ANO5: variants seen among roughly 807,000 people sequenced by gnomAD.
The protein encoded by ANO5 is anoctamin 5.
A neutral mutation model predicts 121.0 loss-of-function variants in ANO5; 109 were observed. The ratio of observed to expected loss-of-function variants is 0.90; its 90% CI spans 0.77 to 1.06. The LOEUF is 1.06. Ranked by LOEUF, ANO5 falls within the 50% of genes least tolerant of loss-of-function variation. ANO5 has a pLI of 0.00. For synonymous variants in ANO5, 406 were observed against 359.9 expected, an observed-to-expected ratio of 1.13 and a Z score of -1.45; for missense variants, 1,064 against 1,078.5, an observed-to-expected ratio of 0.99 and a Z score of 0.19.
chr11:22,221,302 G>A (rs911658507), intron 5 of ANO5, 92 bp downstream of exon 5: 2 of 1,114,588 alleles, frequency 1.8e-6, no homozygotes, highest in African/African-American at 1.6e-5. Flanking sequence ...TTGTAAAAGT[G>A]AGAGGCCCTG....
chr11:22,269,644 A>AT (rs200052918), intron 17 of ANO5, among the ~76,000 whole-genome samples: 2,097 of 151,278 alleles, frequency 0.014, 62 homozygotes, highest in African/African-American at 0.048. Context: ...GACTGAAATA[A>AT]TTTTTTTCTA....
In ANO5 at chr11:22,283,274, G is replaced by T. The variant is rs569034894; in HGVS notation, c.*3509G>T. 5 of 152,036 alleles carry T rather than the reference G, an allele frequency of 3.3e-5. No homozygotes were observed. The highest frequency in any genetic ancestry group is 1.2e-4 in the African/African-American group (5 of 41,394). 9.4% of individuals were successfully genotyped at this position (152,036 alleles called of 1,614,324 possible). A position where few individuals can be genotyped will look rare whatever the true frequency, so the allele number is the denominator to read the frequency against. On this transcript the variant is annotated 3_prime_UTR_variant, in exon 22 of 22. Coordinates refer to ENST00000324559, the MANE Select transcript of ANO5 (RefSeq NM_213599.3). The stretch of plus-strand genomic sequence containing the variant: ...AGGAAGAGAAATATGCAGTTATGCA[G>T]GAAAAGCTCTCTTAAATAATGTGTA...
intron 4 of ANO5, among the ~76,000 whole-genome samples, chr11:22,219,427 A>G (rs1852566608): frequency 6.6e-6 from 1 of 152,046 alleles, no homozygotes. Context: ...GTGTACCCAG[A>G]TTTAGCTTAT....
intron 19 of ANO5, 80 bp downstream of exon 19, chr11:22,273,069 T>C: frequency 1.5e-6 from 2 of 1,349,558 alleles, no homozygotes; most frequent in Non-Finnish European, 2.1e-6. Context: ...GCTTAATCTT[T>C]ACATGATTTC....
intron 1 of ANO5, among the ~76,000 whole-genome samples, chr11:22,198,511 C>T (rs1048961868): frequency 2.0e-5 from 3 of 152,010 alleles, no homozygotes; most frequent in Admixed American, 6.5e-5. Context: ...ATAAATGCAT[C>T]GCATCAAATT....
rs1854850342 is a variant in ANO5, at chr11:22,276,364, A to G, written c.2520+165A>G. Among the ~76,000 whole-genome samples the G allele has an allele frequency of 4.0e-5, 6 of 151,776 alleles. No individual in the cohort carries two copies. In the South Asian group the frequency reaches 1.2e-3, roughly 31 times the overall value. On this transcript the variant is annotated intron_variant, in intron 21 of 21. Coordinates refer to ENST00000324559, the MANE Select transcript of ANO5 (RefSeq NM_213599.3). Reference sequence around the variant, plus strand: ...GCACCTTAGGGATATTCTTAGTACAATGGATTGCCTATTATTCACTTATTA... The same window carrying G: ...GCACCTTAGGGATATTCTTAGTACAGTGGATTGCCTATTATTCACTTATTA...
chr11:22,255,670 TACA>T, intron 13 of ANO5, 148 bp downstream of exon 13: 9 of 823,668 alleles, frequency 1.1e-5, no homozygotes, highest in Non-Finnish European at 1.7e-5. Context: ...CTAATATACA[TACA>T]TGTATATAAA....
chr11:22,196,029 T>G lies in ANO5; in HGVS notation c.40+2497T>G, dbSNP rs564345281. On this transcript the variant is annotated intron_variant, in intron 1 of 21. Transcript: ENST00000324559. ...TTTTAGATGTTTCTTAGCATGTCAG[T>G]TCTTTTGCTGGTTTAGTTTTACTGC... Among the ~76,000 whole-genome samples, 41 of 152,314 alleles carry G rather than the reference T, an allele frequency of 2.7e-4. 1 individual carries two copies. In the East Asian group the frequency reaches 7.9e-3, roughly 29 times the overall value.
intron 2 of ANO5, among the ~76,000 whole-genome samples, chr11:22,210,061 C>G (rs535546498): frequency 6.6e-6 from 1 of 151,868 alleles, no homozygotes; most frequent in African/African-American, 2.4e-5. Context: ...TGTATTTAGA[C>G]GAGCTAGTGG....
In ANO5 at chr11:22,250,378, G is replaced by C. The variant is rs755205357; in HGVS notation, c.1013+7G>C. 9 of 1,613,368 alleles carry C rather than the reference G, an allele frequency of 5.6e-6. No individual in the cohort carries two copies. In the South Asian group the frequency reaches 8.8e-5, roughly 16 times the overall value. On this transcript the variant is annotated splice_region_variant and intron_variant, in intron 10 of 21. Coordinates refer to ENST00000324559, the MANE Select transcript of ANO5 (RefSeq NM_213599.3). ...TGGAACATAACACAAGCAGGTAAGT[G>C]CACCTGAGTTGCCCAGATAGAGAAA... is the stretch of plus-strand genomic sequence containing the variant.
chr11:22,240,858 T>A (rs1371840756), intron 9 of ANO5, among the ~76,000 whole-genome samples: 1 of 151,948 alleles, frequency 6.6e-6, no homozygotes, highest in Non-Finnish European at 1.5e-5. Flanking sequence ...TTCATGCTAA[T>A]ATTTTTCTTT....
chr11:22,231,817 A>G (rs78579063), intron 7 of ANO5, among the ~76,000 whole-genome samples: 1,664 of 152,118 alleles, frequency 0.011, 51 homozygotes, highest in African/African-American at 0.038. Flanking sequence ...CCTGGTTACA[A>G]TATATGGGAG....
In ANO5 at chr11:22,193,487, G is replaced by A; in HGVS notation, c.-6G>A. ...AGGCACCAGTGCCATTAACGAGCTG[G>A]CGAAGATGGGCGACCCGGATCTCCT... On this transcript the variant is annotated 5_prime_UTR_variant, in exon 1 of 22. Coordinates refer to ENST00000324559, the MANE Select transcript of ANO5 (RefSeq NM_213599.3). 6.2e-7 allele frequency: 1 copy of A among 1,612,378 alleles called. No homozygotes were observed. The highest frequency in any genetic ancestry group is 8.5e-7 in the Non-Finnish European group (1 of 1,179,560).
At chr11:22,207,692 T>A (rs1409378187) in intron 2 of ANO5, among the ~76,000 whole-genome samples, 2 of 152,096 alleles carry the variant, frequency 1.3e-5, no homozygotes, top group African/African-American at 4.8e-5. Flanking sequence ...GTTTATCAAA[T>A]GTAAGAATTA....
chr11:22,269,748 A>G (rs115542507), intron 17 of ANO5, among the ~76,000 whole-genome samples: 1,649 of 152,182 alleles, frequency 0.011, 40 homozygotes, highest in African/African-American at 0.038. Flanking sequence ...TATGTTTTTC[A>G]CCTCAAACCA....
In ANO5 at chr11:22,250,389, G is replaced by A. The variant is rs757166033; in HGVS notation, c.1013+18G>A. 6.2e-7 allele frequency: 1 copy of A among 1,613,078 alleles called. No homozygotes were observed. The highest frequency in any genetic ancestry group is 1.1e-5 in the South Asian group (1 of 90,994). On this transcript the variant is annotated intron_variant, in intron 10 of 21. Coordinates refer to ENST00000324559, the MANE Select transcript of ANO5 (RefSeq NM_213599.3). ...ACAAGCAGGTAAGTGCACCTGAGTT[G>A]CCCAGATAGAGAAAACATCTTTATC... is the stretch of plus-strand genomic sequence containing the variant.
chr11:22,218,510 G>A lies in ANO5; in HGVS notation c.180+223G>A, dbSNP rs4620717. 0.83 allele frequency among the ~76,000 whole-genome samples: 125,580 copies of A among 152,058 alleles called. 52,365 individuals are homozygous for A. Among genetic ancestry groups the A allele is most frequent in the African/African-American group, 0.93 (38,599 of 41,520 alleles). ...TGTATGCACATTCTCACACATACAC[G>A]TAATTCATACAGTTTCAGTGGTTTA... On this transcript the variant is annotated intron_variant, in intron 4 of 21. Coordinates refer to ENST00000324559, the MANE Select transcript of ANO5 (RefSeq NM_213599.3).
Position 22,279,864 on chromosome 11 carries a change from CTTTTT to C in ANO5, c.*109_*113del. 3 of 732,448 alleles carry C rather than the reference CTTTTT, an allele frequency of 4.1e-6. No homozygotes were observed. Among genetic ancestry groups the C allele is most frequent in the Non-Finnish European group, 4.2e-6 (2 of 475,728 alleles). 45.4% of individuals were successfully genotyped at this position (732,448 alleles called of 1,614,324 possible). On this transcript the variant is annotated 3_prime_UTR_variant, in exon 22 of 22. Transcript: ENST00000324559. ...AAGCCATGTGTCAATTTTACCCTTT[CTTTTT>C]TTTTTTTTTCTTTTTTTTTTTAAAC...
intron 7 of ANO5, among the ~76,000 whole-genome samples, chr11:22,228,181 T>C (rs999375058): frequency 3.9e-5 from 6 of 152,048 alleles, no homozygotes; most frequent in Non-Finnish European, 7.4e-5. Context: ...ACTGGAATAA[T>C]ATCCACTTCA....
Sources: allele counts gnomAD v4.1 joint callset (sites outside exome capture counted in the v4.1 genomes callset), GRCh38; gene constraint gnomAD v4.1.1; transcripts MANE v1.5; gene names NCBI Gene and HGNC (gene_info 2026-07-23, HGNC 2026-07-21).